The following FMO1 variants were observed in gnomAD, a reference collection of about 807,000 sequenced individuals.
The protein encoded by FMO1 is flavin containing dimethylaniline monoxygenase 1.
FMO1 carries 36 observed loss-of-function variants against 45.4 expected under a neutral mutation model. The ratio of observed to expected loss-of-function variants is 0.79; its 90% CI spans 0.61 to 1.05. The LOEUF (loss-of-function observed/expected upper bound fraction) is 1.05, where lower values mean the gene tolerates loss of function less well. FMO1 is among the 50% of genes least tolerant of loss of function. The probability of loss-of-function intolerance (pLI) is 0.00; values close to 1 mark genes in which losing one functional copy is unlikely to be tolerated. For missense variants in FMO1, 615 were observed against 640.3 expected, an observed-to-expected ratio of 0.96 and a Z score of 0.43; for synonymous variants, 228 against 227.2, an observed-to-expected ratio of 1.00 and a Z score of -0.03.
At position 171,270,236 on chromosome 1, in the gene FMO1, T is replaced by C. The variant is rs183707473; in HGVS notation, c.321+2505T>C. ...CCCATGCTTTGAGTAGATTGATTAC[T>C]CTTCAGTTTGTAAATGTAAGTGGGC... On this transcript the variant is annotated intron_variant, in intron 3 of 8. Coordinates refer to ENST00000617670, the MANE Select transcript of FMO1 (RefSeq NM_001282693.2). Among the ~76,000 whole-genome samples the C allele has an allele frequency of 1.8e-3, 275 of 152,360 alleles. 2 individuals are homozygous for C. Among genetic ancestry groups the C allele is most frequent in the African/African-American group, 6.2e-3 (257 of 41,598 alleles).
chr1:171,260,003 G>C lies in FMO1; in HGVS notation c.132+1784G>C, dbSNP rs556336263. 1.2e-4 allele frequency among the ~76,000 whole-genome samples: 19 copies of C among 152,344 alleles called. No individual in the cohort carries two copies. The South Asian group carries it at 3.7e-3, about 30-fold the overall frequency. On this transcript the variant is annotated intron_variant, in intron 2 of 8. Coordinates refer to ENST00000617670, the MANE Select transcript of FMO1 (RefSeq NM_001282693.2). ...AGCCACATTTAGGAAGCCAGAAAAG[G>C]CTTCACTGAAGAGGTAGTGTGTGAT...
Position 171,258,768 on chromosome 1 carries a change from T to C in FMO1, c.132+549T>C, listed in dbSNP as rs566902945. Among the ~76,000 whole-genome samples the C allele has an allele frequency of 1.5e-4, 23 of 152,024 alleles. 2 individuals carry two copies. In the South Asian group the frequency reaches 4.6e-3, roughly 30 times the overall value. On this transcript the variant is annotated intron_variant, in intron 2 of 8. Coordinates refer to ENST00000617670, the MANE Select transcript of FMO1 (RefSeq NM_001282693.2). ...AAGTAAAGAATGTGAGTTTTGAGTC[T>C]TTTTTTTATTCCCTGAGCAGAAGAA... is the stretch of plus-strand genomic sequence containing the variant.
intron 2 of FMO1, among the ~76,000 whole-genome samples, chr1:171,265,680 G>A (rs1434784097): frequency 6.6e-6 from 1 of 151,992 alleles, no homozygotes; most frequent in Non-Finnish European, 1.5e-5. Flanking sequence ...AGTTCTCCAT[G>A]TTAAACACTC....
chr1:171,272,457 C>T (rs28741370), intron 3 of FMO1, among the ~76,000 whole-genome samples: 3,692 of 152,232 alleles, frequency 0.024, 66 homozygotes, highest in Middle Eastern at 0.037. Flanking sequence ...CCTTCAGACC[C>T]CAGAATGTTA....
At chr1:171,277,684 C>G (rs1473567348) in intron 4 of FMO1, among the ~76,000 whole-genome samples, 1 of 152,180 alleles carries the variant, frequency 6.6e-6, no homozygotes, top group Admixed American at 6.5e-5. Context: ...TCTTTCTTCG[C>G]AACAGTTCTC....
chr1:171,262,534 C>T (rs1660419463), intron 2 of FMO1, among the ~76,000 whole-genome samples: 1 of 152,168 alleles, frequency 6.6e-6, no homozygotes, highest in Non-Finnish European at 1.5e-5. Context: ...TTGATTGAAA[C>T]CCTACTATGT....
intron 1 of FMO1, among the ~76,000 whole-genome samples, chr1:171,255,535 G>A (rs755262406): frequency 1.3e-5 from 2 of 152,108 alleles, no homozygotes; most frequent in Non-Finnish European, 2.9e-5. Context: ...GTCAGCAGTG[G>A]GTACCTGAAA....
rs187178730 is a variant in FMO1, at chr1:171,257,475, C to G, written c.-6-607C>G. 5.3e-5 allele frequency among the ~76,000 whole-genome samples: 8 copies of G among 152,212 alleles called. No individual in the cohort carries two copies. The East Asian group carries it at 1.5e-3, about 29-fold the overall frequency. Reference sequence around the variant, plus strand: ...ACCCTCTCTCTCTCCCACTGGTGACCATCACTGGTGACCTGTGAAAGGGAC... The same window carrying G: ...ACCCTCTCTCTCTCCCACTGGTGACGATCACTGGTGACCTGTGAAAGGGAC... On this transcript the variant is annotated intron_variant, in intron 1 of 8. Transcript: ENST00000617670.
intron 2 of FMO1, among the ~76,000 whole-genome samples, chr1:171,264,904 A>T (rs1660548439): frequency 6.6e-6 from 1 of 151,760 alleles, no homozygotes; most frequent in Non-Finnish European, 1.5e-5. Flanking sequence ...ATCTCAAAAA[A>T]AAACAAAAAC....
chr1:171,267,477 T>G, intron 2 of FMO1, 66 bp from the exon 3 acceptor site: 18 of 1,184,194 alleles, frequency 1.5e-5, no homozygotes, highest in Non-Finnish European at 2.1e-5. Context: ...TCTGGACCGG[T>G]GAGTTCTTCC....
At position 171,282,050 on chromosome 1, in the gene FMO1, G is replaced by C; in HGVS notation, c.900G>C (p.Arg300Ser). 6.2e-7 allele frequency: 1 copy of C among 1,613,650 alleles called. No individual in the cohort carries two copies. The highest frequency in any genetic ancestry group is 8.5e-7 in the Non-Finnish European group (1 of 1,179,858). Residue 300 changes from arginine to serine, a missense_variant, in exon 7 of 9, where the codon AGG becomes AGC. By Grantham distance (110) the Arg-to-Ser change is moderately radical. Coordinates refer to ENST00000617670, the MANE Select transcript of FMO1 (RefSeq NM_001282693.2). ...GRIITGKVFI[R>S]PSIKEVKENS... is the part of the protein sequence containing the mutation. ...TCATCACTGGGAAAGTGTTCATCAG[G>C]CCAAGCATAAAAGAGGTAAAGGAAA...
intron 3 of FMO1, among the ~76,000 whole-genome samples, chr1:171,273,969 G>A (rs766802176): frequency 3.4e-4 from 52 of 152,012 alleles, no homozygotes; most frequent in African/African-American, 8.0e-4. Flanking sequence ...CTAACACGGC[G>A]AAACCCCATC....
At chr1:171,271,100 C>A in intron 3 of FMO1, 1 of 885,012 alleles carries the variant, frequency 1.1e-6, no homozygotes. Context: ...TTCCCTTTAG[C>A]TCAATATGCA....
chr1:171,256,075 C>T (rs576807051), intron 1 of FMO1, among the ~76,000 whole-genome samples: 2 of 152,132 alleles, frequency 1.3e-5, no homozygotes, highest in East Asian at 3.9e-4. Context: ...AGATCAAGAC[C>T]ATCCTGGCTA....
In FMO1 at chr1:171,278,866, G is replaced by A; in HGVS notation, c.622G>A (p.Glu208Lys). 1 of 1,610,852 alleles carries A rather than the reference G, an allele frequency of 6.2e-7. No homozygotes were observed. The highest frequency in any genetic ancestry group is 1.1e-5 in the South Asian group (1 of 90,626). The change falls in exon 5 of 9, where the codon GAA becomes AAA. Residue 208 changes from glutamate to lysine, a missense_variant. By Grantham distance (56) the Glu-to-Lys change is moderately conservative (BLOSUM62 1). Coordinates refer to ENST00000617670, the MANE Select transcript of FMO1 (RefSeq NM_001282693.2). Reference sequence around the variant, plus strand: ...TGCTGTGGAGGCCAGCCACCTGGCGGAAAAGGTACATTCCTGATGTTACTG... The same window carrying A: ...TGCTGTGGAGGCCAGCCACCTGGCGAAAAAGGTACATTCCTGATGTTACTG... ...DIAVEASHLA[E>K]KVFLSTTGGG...
intron 2 of FMO1, among the ~76,000 whole-genome samples, chr1:171,264,759 C>T (rs1434731219): frequency 1.3e-5 from 2 of 151,726 alleles, no homozygotes; most frequent in Admixed American, 6.6e-5. Flanking sequence ...ATTAGCAGGG[C>T]GTGGTGGCCG....
chr1:171,250,832 A>G (rs1440053704), intron 1 of FMO1, among the ~76,000 whole-genome samples: 1 of 151,954 alleles, frequency 6.6e-6, no homozygotes, highest in African/African-American at 2.4e-5. Flanking sequence ...GGCTTTTCTC[A>G]TTAAAATAAT....
At position 171,267,523 on chromosome 1, in the gene FMO1, T is replaced by C. The variant is rs1007893426; in HGVS notation, c.133-20T>C. 1.3e-6 allele frequency: 2 copies of C among 1,568,404 alleles called. No homozygotes were observed. The highest frequency in any genetic ancestry group is 2.7e-5 in the African/African-American group (2 of 73,658). On this transcript the variant is annotated intron_variant, in intron 2 of 8. Transcript: ENST00000617670. ...TATGAGCATGCAATGAATGTTCATG[T>C]GTGTGCACTGTTTGTACAGGAACAT... is the stretch of plus-strand genomic sequence containing the variant.
chr1:171,267,433 T>C (rs913481803), intron 2 of FMO1, 110 bp from the exon 3 acceptor site: 1 of 662,142 alleles, frequency 1.5e-6, no homozygotes, highest in Non-Finnish European at 2.5e-6. Context: ...TGTATTTCTA[T>C]ATTCTCCTGT....
Sources: gnomAD v4.1 joint callset for allele counts (sites outside exome capture counted in the v4.1 genomes callset) on GRCh38, gnomAD v4.1.1 for gene constraint, MANE v1.5 for transcripts, NCBI Gene and HGNC (gene_info 2026-07-23, HGNC 2026-07-21) for gene names.